The following MEI4 variants were observed in gnomAD, a reference collection of about 807,000 sequenced individuals.
MEI4 encodes meiotic double-stranded break formation protein 4.
MEI4 carries 27 observed loss-of-function variants against 31.4 expected under a neutral mutation model. That is an observed-to-expected ratio of 0.86 (90% CI 0.63 to 1.19). The LOEUF is 1.19. MEI4 is among the 50% of genes most tolerant of loss of function. The pLI, the probability that MEI4 is intolerant of heterozygous loss-of-function variation, is 0.00. For missense variants in MEI4, 329 were observed against 398.9 expected (o/e 0.82, Z 1.49); for synonymous variants, 122 against 145.4 (o/e 0.84, Z 1.16).
intron 1 of MEI4, among the ~76,000 whole-genome samples, chr6:77,665,214 A>G (rs2926075): frequency 0.76 from 115,550 of 151,098 alleles, 44,346 homozygotes; most frequent in African/African-American, 0.82. Flanking sequence ...AGGGGTCGGG[A>G]CATGGAAATA....
At chr6:77,823,659 G>T in intron 3 of MEI4, among the ~76,000 whole-genome samples, 1 of 137,720 alleles carries the variant, frequency 7.3e-6, no homozygotes, top group East Asian at 2.0e-4. Flanking sequence ...AACATCTAAG[G>T]TTGGTTGGTT....
chr6:77,773,117 C>G (rs1242127387), intron 3 of MEI4, among the ~76,000 whole-genome samples: 1 of 151,902 alleles, frequency 6.6e-6, no homozygotes, highest in Non-Finnish European at 1.5e-5. Flanking sequence ...TTCATACTAC[C>G]CCAAGCAATC....
intron 2 of MEI4, among the ~76,000 whole-genome samples, chr6:77,742,022 T>G (rs1281879068): frequency 1.3e-5 from 2 of 152,042 alleles, no homozygotes; most frequent in Non-Finnish European, 2.9e-5. Context: ...TCTATCATTG[T>G]TGGACATTTG....
chr6:77,779,703 C>T (rs1768544602), intron 3 of MEI4, among the ~76,000 whole-genome samples: 1 of 152,042 alleles, frequency 6.6e-6, no homozygotes, highest in Non-Finnish European at 1.5e-5. Context: ...GTTTTCATCT[C>T]CCAGTTATCT....
intron 2 of MEI4, among the ~76,000 whole-genome samples, chr6:77,745,691 C>T (rs1451354057): frequency 6.6e-6 from 1 of 152,122 alleles, no homozygotes; most frequent in Non-Finnish European, 1.5e-5. Context: ...CACACCACAC[C>T]TATTCCAAAA....
chr6:77,714,709 C>G (rs1766541508), intron 2 of MEI4, among the ~76,000 whole-genome samples: 1 of 152,162 alleles, frequency 6.6e-6, no homozygotes, highest in African/African-American at 2.4e-5. Flanking sequence ...CTGTGCATTA[C>G]CTCTGCTCCA....
At chr6:77,653,876 A>T (rs964120887) in intron 1 of MEI4, among the ~76,000 whole-genome samples, 3 of 152,220 alleles carry the variant, frequency 2.0e-5, no homozygotes, top group African/African-American at 7.2e-5. Flanking sequence ...GTAACTAAGG[A>T]ATTCAGTATA....
intron 1 of MEI4, among the ~76,000 whole-genome samples, chr6:77,684,173 T>A (rs79059899): frequency 0.026 from 3,508 of 136,720 alleles, 138 homozygotes; most frequent in African/African-American, 0.09. Flanking sequence ...TATGTCTTCT[T>A]TTGAGAATTT....
chr6:77,801,410 C>T (rs1054425398), intron 3 of MEI4, among the ~76,000 whole-genome samples: 5 of 152,058 alleles, frequency 3.3e-5, no homozygotes, highest in Non-Finnish European at 7.4e-5. Context: ...AGCAGTCTGT[C>T]AATTTTGTTG....
At chr6:77,892,162 C>T (rs918831578) in intron 4 of MEI4, among the ~76,000 whole-genome samples, 4 of 152,058 alleles carry the variant, frequency 2.6e-5, no homozygotes, top group Non-Finnish European at 5.9e-5. Context: ...GAGTGGTGTA[C>T]ATAGTGGGTG....
rs145303191 is a variant in MEI4 at position 77,838,054 on chromosome 6, G to C, written c.900+8992G>C. Among the ~76,000 whole-genome samples, 497 of 152,184 alleles carry C rather than the reference G, an allele frequency of 3.3e-3. 2 individuals are homozygous for C. The highest frequency in any genetic ancestry group is 0.012 in the African/African-American group (486 of 41,534). Reference sequence around the variant, plus strand: ...TTGTCATCATAAGTGCACCATTGCTGTTAGCTGATATTATTATTACTATTC... The same window carrying C: ...TTGTCATCATAAGTGCACCATTGCTCTTAGCTGATATTATTATTACTATTC... On this transcript the variant is annotated intron_variant, in intron 4 of 4. Coordinates refer to ENST00000684080, the MANE Select transcript of MEI4 (RefSeq NM_001322247.2).
intron 3 of MEI4, among the ~76,000 whole-genome samples, chr6:77,773,301 C>T (rs1476907787): frequency 6.6e-6 from 1 of 151,668 alleles, no homozygotes; most frequent in African/African-American, 2.4e-5. Context: ...GAGCTGTAGT[C>T]ATCAAAATAG....
rs930368530 is a variant in MEI4, at chr6:77,820,899, T to C, written c.769-8032T>C. Reference sequence around the variant, plus strand: ...CCATGTCGTTTCTTCTCCAGTAGTCTCTCTTAGTTTTTTTCTTTTTCTTTT... The same window carrying C: ...CCATGTCGTTTCTTCTCCAGTAGTCCCTCTTAGTTTTTTTCTTTTTCTTTT... On this transcript the variant is annotated intron_variant, in intron 3 of 4. Transcript: ENST00000684080. This position sits in a 1 kb window ranked among gnomAD's most constrained non-coding sequence, Gnocchi z 4.5. Among the ~76,000 whole-genome samples, 4 of 151,916 alleles carry C rather than the reference T, an allele frequency of 2.6e-5. No individual in the cohort carries two copies. The highest frequency in any genetic ancestry group is 5.9e-5 in the Non-Finnish European group (4 of 67,978).
chr6:77,698,247 G>C (rs1766107915), intron 2 of MEI4, among the ~76,000 whole-genome samples: 1 of 152,072 alleles, frequency 6.6e-6, no homozygotes, highest in Non-Finnish European at 1.5e-5. Context: ...TCTTTTAATT[G>C]GAGCAGTTAG....
chr6:77,767,569 C>A (rs904479958), intron 3 of MEI4, among the ~76,000 whole-genome samples: 1 of 151,786 alleles, frequency 6.6e-6, no homozygotes, highest in Non-Finnish European at 1.5e-5. Context: ...TGGTCTTGCA[C>A]ACCTGTAGTC....
chr6:77,801,082 T>C (rs6938997), intron 3 of MEI4, among the ~76,000 whole-genome samples: 28,026 of 152,166 alleles, frequency 0.18, 3,361 homozygotes, highest in East Asian at 0.4. Flanking sequence ...AGCTCCTCCT[T>C]GTACCTCTGG....
At chr6:77,907,505 T>C (rs1766324309) in intron 4 of MEI4, among the ~76,000 whole-genome samples, 1 of 152,212 alleles carries the variant, frequency 6.6e-6, no homozygotes, top group South Asian at 2.1e-4. Context: ...CCATGGTGTA[T>C]ATGTGCCACA....
chr6:77,808,510 T>TA (rs966403640), intron 3 of MEI4, among the ~76,000 whole-genome samples: 4 of 151,858 alleles, frequency 2.6e-5, no homozygotes, highest in East Asian at 1.9e-4. Context: ...AGAGACAGTG[T>TA]AAAAAAAATG....
intron 2 of MEI4, among the ~76,000 whole-genome samples, chr6:77,730,643 A>C (rs115245985): frequency 0.02 from 3,100 of 151,680 alleles, 114 homozygotes; most frequent in African/African-American, 0.07. Flanking sequence ...TATTATTATT[A>C]TACCTTAAGT....
Sources: gnomAD v4.1 joint callset for allele counts (sites outside exome capture counted in the v4.1 genomes callset) on GRCh38, gnomAD v4.1.1 for gene constraint, Gnocchi (gnomAD v3.1) non-coding constraint, MANE v1.5 for transcripts, NCBI Gene and HGNC (gene_info 2026-07-23, HGNC 2026-07-21) for gene names.